SPICE1: variants seen among roughly 807,000 people sequenced by gnomAD.
SPICE1 encodes spindle and centriole-associated protein 1.
Under a neutral mutation model 102.7 loss-of-function variants are expected in SPICE1, and 75 were observed. The observed-to-expected ratio is 0.73, with a 90% CI of 0.61 to 0.88. SPICE1 has a LOEUF of 0.88. SPICE1 is among the 40% of genes least tolerant of loss of function. The probability of loss-of-function intolerance (pLI) is 0.00; values close to 1 mark genes in which losing one functional copy is unlikely to be tolerated. For synonymous variants in SPICE1, 308 were observed against 350.3 expected, an observed-to-expected ratio of 0.88 and a Z score of 1.35; for missense variants, 979 against 1,020.1, an observed-to-expected ratio of 0.96 and a Z score of 0.55.
intron 12 of SPICE1, chr3:113,460,355 C>A (rs1935901776): frequency 5.5e-6 from 5 of 900,936 alleles, no homozygotes; most frequent in Non-Finnish European, 6.6e-6. Flanking sequence ...AAGGATAACA[C>A]CAATGGGGAT....
In SPICE1 at chr3:113,468,369, G is replaced by T. The variant is rs1256061575; in HGVS notation, c.925C>A (p.Pro309Thr). 4 of 1,614,002 alleles carry T rather than the reference G, an allele frequency of 2.5e-6. No homozygotes were observed. The Admixed American group carries it at 6.7e-5, about 27-fold the overall frequency. The change falls in exon 10 of 18, where the codon CCG (proline) becomes ACG (threonine). Residue 309 changes from proline (P) to threonine (T), a missense_variant. Coordinates refer to ENST00000295872, the MANE Select transcript of SPICE1 (RefSeq NM_144718.4). ...CTACCTGATGATATGTTTTTCTTCG[G>T]CTTGGAAAGAGCATGCAAATTCGGT... ...RKPNLHALSK[P>T]KKNISSGSTT...
chr3:113,464,179 T>C (rs918493215), intron 11 of SPICE1, among the ~76,000 whole-genome samples: 4 of 151,892 alleles, frequency 2.6e-5, no homozygotes, highest in African/African-American at 9.7e-5. Context: ...CACTGATTTG[T>C]ACATTTTAAA....
chr3:113,476,812 G>C (rs936336750), intron 7 of SPICE1, among the ~76,000 whole-genome samples: 177 of 149,200 alleles, frequency 1.2e-3, no homozygotes, highest in Middle Eastern at 3.5e-3. Flanking sequence ...TTAAACGTTA[G>C]ACCTAAAACC....
At position 113,514,813 on chromosome 3, in the gene SPICE1, C is replaced by T. The variant is rs1937291528; in HGVS notation, c.-1+84G>A. ...CCCAATTACCAGCTCTGTGCAAAAG[C>T]TCCCGAAAGCGGTGCGCACGCGCAT... On this transcript the variant is annotated intron_variant, in intron 1 of 17. Coordinates refer to ENST00000295872, the MANE Select transcript of SPICE1 (RefSeq NM_144718.4). 4.7e-6 allele frequency: 6 copies of T among 1,264,244 alleles called. No homozygotes were observed. In the South Asian group the frequency reaches 7.7e-5, roughly 16 times the overall value. The allele number at this position is 1,264,244 out of a possible 1,614,324, so 78.3% of individuals were successfully genotyped here.
intron 10 of SPICE1, among the ~76,000 whole-genome samples, chr3:113,466,330 G>A (rs981691141): frequency 2.6e-5 from 4 of 152,116 alleles, no homozygotes; most frequent in Non-Finnish European, 4.4e-5. Flanking sequence ...GCTTCTGGTC[G>A]GGCGTGGTGG....
chr3:113,502,235 G>A (rs1275480890), intron 3 of SPICE1, among the ~76,000 whole-genome samples: 1 of 152,140 alleles, frequency 6.6e-6, no homozygotes, highest in Non-Finnish European at 1.5e-5. Context: ...ACTTAGCCAG[G>A]CGTGGTGGCA....
At chr3:113,474,407 G>A (rs952013183) in intron 7 of SPICE1, among the ~76,000 whole-genome samples, 5 of 152,096 alleles carry the variant, frequency 3.3e-5, no homozygotes, top group African/African-American at 9.7e-5. Flanking sequence ...AGGATACCCA[G>A]GAATTGAACT....
intron 7 of SPICE1, among the ~76,000 whole-genome samples, chr3:113,484,706 C>G (rs536585947): frequency 7.0e-6 from 1 of 142,308 alleles, no homozygotes; most frequent in African/African-American, 2.6e-5. Flanking sequence ...GTTTCTTAAT[C>G]CTGATTTCTA....
chr3:113,493,917 C>A, intron 5 of SPICE1, 132 bp downstream of exon 5: 1 of 588,380 alleles, frequency 1.7e-6, no homozygotes, highest in Non-Finnish European at 2.9e-6. Context: ...CCCTAACAAC[C>A]CTTGTAAATC....
chr3:113,459,228 T>G (rs528924831), intron 12 of SPICE1, among the ~76,000 whole-genome samples: 1 of 152,152 alleles, frequency 6.6e-6, no homozygotes, highest in Admixed American at 6.5e-5. Flanking sequence ...GCATACTCGT[T>G]AAGAGTCATC....
Position 113,476,866 on chromosome 3 carries a change from T to C in SPICE1, c.612-7628A>G, listed in dbSNP as rs1275216069. Among the ~76,000 whole-genome samples, 24 of 151,900 alleles carry C rather than the reference T, an allele frequency of 1.6e-4. No individual in the cohort carries two copies. In the East Asian group the frequency reaches 4.1e-3, roughly 26 times the overall value. On this transcript the variant is annotated intron_variant, in intron 7 of 17. Coordinates refer to ENST00000295872, the MANE Select transcript of SPICE1 (RefSeq NM_144718.4). The stretch of plus-strand genomic sequence containing the variant: ...AACCTAGGCATTACCATTCAGGACA[T>C]AGGCATGGGCAAGGACTTCATGTCT...
At chr3:113,481,802 T>C (rs778667092) in intron 7 of SPICE1, among the ~76,000 whole-genome samples, 2 of 152,212 alleles carry the variant, frequency 1.3e-5, no homozygotes, top group Non-Finnish European at 1.5e-5. Flanking sequence ...ACATTTTCTT[T>C]ATCCAGTCTA....
At chr3:113,471,291 C>T (rs1242707502) in intron 7 of SPICE1, among the ~76,000 whole-genome samples, 2 of 152,112 alleles carry the variant, frequency 1.3e-5, no homozygotes, top group East Asian at 3.8e-4. Context: ...TAAATGCAAT[C>T]ACATATTTTT....
At chr3:113,468,526 T>C in intron 9 of SPICE1, 122 bp from the exon 10 acceptor site, 1 of 1,218,818 alleles carries the variant, frequency 8.2e-7, no homozygotes, top group African/African-American at 1.5e-5. Flanking sequence ...GATATCACCA[T>C]TTCTCTCATA....
intron 7 of SPICE1, among the ~76,000 whole-genome samples, chr3:113,471,258 G>A (rs1405101281): frequency 6.6e-6 from 1 of 152,082 alleles, no homozygotes; most frequent in Non-Finnish European, 1.5e-5. Context: ...TCTTGAGATG[G>A]GGAGATTATC....
At chr3:113,490,110 A>C (rs2107491829) in intron 6 of SPICE1, among the ~76,000 whole-genome samples, 1 of 152,316 alleles carries the variant, frequency 6.6e-6, no homozygotes, top group Admixed American at 6.5e-5. Context: ...AGTGCAATAC[A>C]CTTAAGTAAA....
rs150434967 is a variant in SPICE1 at position 113,501,026 on chromosome 3, G to A, written c.148-1444C>T. ...ACTTCAAACTTACTATAAAACGACA[G>A]TAATCAAGACAATGTGGTACTGGCA... On this transcript the variant is annotated intron_variant, in intron 3 of 17. Coordinates refer to ENST00000295872, the MANE Select transcript of SPICE1 (RefSeq NM_144718.4). Among the ~76,000 whole-genome samples, 176 of 152,274 alleles carry A rather than the reference G, an allele frequency of 1.2e-3. 1 individual carries two copies. Among genetic ancestry groups the A allele is most frequent in the African/African-American group, 3.2e-3 (133 of 41,558 alleles).
intron 3 of SPICE1, among the ~76,000 whole-genome samples, chr3:113,500,843 T>C (rs1576647819): frequency 6.6e-6 from 1 of 152,178 alleles, no homozygotes; most frequent in Admixed American, 6.5e-5. Context: ...ATGTATAAGA[T>C]ATGGTCTGTA....
intron 7 of SPICE1, among the ~76,000 whole-genome samples, chr3:113,472,513 C>G (rs1008459948): frequency 6.6e-6 from 1 of 152,250 alleles, no homozygotes; most frequent in African/African-American, 2.4e-5. Flanking sequence ...GACCCCCGAG[C>G]AGCCTAACTA....
Sources: allele counts gnomAD v4.1 joint callset (sites outside exome capture counted in the v4.1 genomes callset), GRCh38; gene constraint gnomAD v4.1.1; transcripts MANE v1.5; gene names NCBI Gene and HGNC (gene_info 2026-07-23, HGNC 2026-07-21).